The following ENO1 variants were observed in gnomAD, a reference collection of about 807,000 sequenced individuals.
ENO1 encodes enolase 1, also known as alpha-enolase.
In ENO1, 33 loss-of-function variants were observed where a neutral mutation model predicts 46.3. That is an observed-to-expected ratio of 0.71 (90% CI 0.54 to 0.95). ENO1 has a LOEUF of 0.95. ENO1 is among the 40% of genes least tolerant of loss of function. ENO1 has a pLI of 0.00. For synonymous variants in ENO1, 220 were observed against 216.0 expected (o/e 1.02, Z -0.16); for missense variants, 488 against 553.3 (o/e 0.88, Z 1.18).
intron 4 of ENO1, 25 bp from the exon 5 acceptor site, chr1:8,868,082 G>A (rs2124079447): frequency 6.4e-7 from 1 of 1,572,100 alleles, no homozygotes; most frequent in Non-Finnish European, 8.8e-7. Context: ...GGAGAATGAG[G>A]GGTTGGGGCC....
At chr1:8,876,811 G>T (rs1363605000) in intron 1 of ENO1, among the ~76,000 whole-genome samples, 2 of 149,852 alleles carry the variant, frequency 1.3e-5, no homozygotes, top group East Asian at 4.0e-4. Context: ...AAAAAAAAAA[G>T]ACAAACGTCT....
intron 2 of ENO1, among the ~76,000 whole-genome samples, 181 bp from the exon 3 acceptor site, chr1:8,872,167 T>C (rs1291454363): frequency 2.0e-5 from 3 of 152,244 alleles, no homozygotes; most frequent in African/African-American, 7.2e-5. Flanking sequence ...GATCCTGTAC[T>C]GCAGAACTTA....
chr1:8,870,111 A>G, intron 4 of ENO1: 1 of 275,216 alleles, frequency 3.6e-6, no homozygotes, highest in Non-Finnish European at 6.9e-6. Context: ...AAAGTTCATG[A>G]GAAATTAGTC....
Position 8,866,278 on chromosome 1 carries a change from CCTT to C in ENO1, c.665_667del (p.Glu222del), listed in dbSNP as rs1642512894. ...GGGGGGCGGTTCCCTAGCGCCTTTA[CCTT>C]CTTTATTCTCCAGGATGTTGGGAGC... is the stretch of plus-strand genomic sequence containing the variant. On this transcript the variant is annotated inframe_deletion and splice_region_variant, in exon 7 of 12. Coordinates refer to ENST00000234590, the MANE Select transcript of ENO1 (RefSeq NM_001428.5). 1.2e-6 allele frequency: 2 copies of C among 1,613,834 alleles called. No homozygotes were observed. The highest frequency in any genetic ancestry group is 1.3e-5 in the African/African-American group (1 of 74,898).
chr1:8,870,523 A>G lies in ENO1; in HGVS notation c.182-13T>C. The stretch of plus-strand genomic sequence containing the variant: ...GCCTTTGAGACACCTGGAAGGAACA[A>G]TCAAATCAAATTACTGACATTAACT... On this transcript the variant is annotated splice_polypyrimidine_tract_variant and intron_variant, in intron 3 of 11. Transcript: ENST00000234590. 1 of 1,614,174 alleles carries G rather than the reference A, an allele frequency of 6.2e-7. No homozygotes were observed. The highest frequency in any genetic ancestry group is 1.1e-5 in the South Asian group (1 of 91,084).
rs755875031 is a variant in ENO1, at chr1:8,866,481, G to A, written c.465C>T (p.Gly155=). Residue 155 remains glycine, a synonymous_variant, in exon 7 of 12, where the codon GGC becomes GGT. Coordinates refer to ENST00000234590, the MANE Select transcript of ENO1 (RefSeq NM_001428.5). ...LPVPAFNVIN[G]GSHAGNKLAM... is the part of the protein sequence containing the mutation. ...CCAGCTTGTTGCCAGCATGAGAACC[G>A]CCATTGATGACATTGAACGCCTGGG... 1.2e-5 allele frequency: 19 copies of A among 1,614,064 alleles called. 1 individual carries two copies. The highest frequency in any genetic ancestry group is 6.7e-5 in the East Asian group (3 of 44,896).
intron 11 of ENO1, 112 bp from the exon 12 acceptor site, chr1:8,861,541 G>A (rs1020706527): frequency 3.8e-6 from 4 of 1,066,034 alleles, no homozygotes; most frequent in Non-Finnish European, 5.5e-6. Flanking sequence ...CTCCTGGGAA[G>A]TTGAGAACAC....
At chr1:8,876,846 T>C (rs1020751438) in intron 1 of ENO1, among the ~76,000 whole-genome samples, 9 of 151,036 alleles carry the variant, frequency 6.0e-5, no homozygotes, top group Non-Finnish European at 1.2e-4. Context: ...AAAGTGTGAT[T>C]TTTTTTTTAT....
Position 8,867,057 on chromosome 1 carries a change from C to A in ENO1, c.444+60G>T, listed in dbSNP as rs1557581791. 3.8e-6 allele frequency: 6 copies of A among 1,588,280 alleles called. No homozygotes were observed. The South Asian group carries it at 4.5e-5, about 12-fold the overall frequency. On this transcript the variant is annotated intron_variant, in intron 6 of 11. Transcript: ENST00000234590. ...TATCAAGGCATAGGAGGTCTCGGGT[C>A]CCCAACAGCAAGCTGAAACCCCCAA...
rs960611633 is a variant in ENO1, at chr1:8,874,250, T to C, written c.85+574A>G. Among the ~76,000 whole-genome samples the C allele has an allele frequency of 2.0e-5, 3 of 152,034 alleles. No individual in the cohort carries two copies. The East Asian group carries it at 5.8e-4, about 29-fold the overall frequency. ...ACCTTACTTCCTTACTTCACTGACT[T>C]AGGAGCCAACTTATGTGGTTTTAAG... On this transcript the variant is annotated intron_variant, in intron 2 of 11. Transcript: ENST00000234590.
intron 7 of ENO1, chr1:8,866,024 T>C (rs1189903309): frequency 9.8e-6 from 4 of 406,906 alleles, no homozygotes; most frequent in African/African-American, 2.2e-5. Context: ...GAAGTTGTAG[T>C]GAGCCGAGAT....
chr1:8,868,637 G>C (rs899235705), intron 4 of ENO1, among the ~76,000 whole-genome samples: 1 of 152,230 alleles, frequency 6.6e-6, no homozygotes, highest in Non-Finnish European at 1.5e-5. Flanking sequence ...CTGACGTACT[G>C]AGAACTGGCT....
rs201867667 is a variant in ENO1, at chr1:8,870,483, T to C, written c.209A>G (p.Asn70Ser). The C allele has an allele frequency of 4.8e-5, 77 of 1,614,188 alleles. No individual in the cohort carries two copies. In the East Asian group the frequency reaches 5.6e-4, roughly 12 times the overall value. The change falls in exon 4 of 12, where the codon AAT (asparagine) becomes AGT (serine). Residue 70 changes from asparagine (N) to serine (S), a missense_variant. Coordinates refer to ENST00000234590, the MANE Select transcript of ENO1 (RefSeq NM_001428.5). ...AACCAGGGCAGGCGCAATAGTTTTA[T>C]TGATGTGCTCAACAGCCTTTGAGAC... ...KGVSKAVEHINKTIAPALVSK... is the reference protein window; with the variant it reads ...KGVSKAVEHISKTIAPALVSK...
chr1:8,876,855 AT>A (rs1642743906), intron 1 of ENO1, among the ~76,000 whole-genome samples: 1 of 134,080 alleles, frequency 7.5e-6, no homozygotes, highest in East Asian at 2.1e-4. Flanking sequence ...TTTTTTTTTT[AT>A]TTTTTGAGAC....
At chr1:8,873,230 T>TGG (rs542016969) in intron 2 of ENO1, among the ~76,000 whole-genome samples, 4 of 152,054 alleles carry the variant, frequency 2.6e-5, no homozygotes, top group African/African-American at 9.7e-5. Flanking sequence ...ATGCTGACAA[T>TGG]GGGGGGGCTG....
At chr1:8,866,982 C>T (rs1642531404) in intron 6 of ENO1, 135 bp downstream of exon 6, 1 of 1,349,504 alleles carries the variant, frequency 7.4e-7, no homozygotes, top group African/African-American at 1.5e-5. Flanking sequence ...TGCTCAAGGT[C>T]ACACTTAACA....
intron 4 of ENO1, among the ~76,000 whole-genome samples, chr1:8,869,991 G>C (rs1642597503): frequency 6.6e-6 from 1 of 152,202 alleles, no homozygotes; most frequent in Non-Finnish European, 1.5e-5. Flanking sequence ...TGGGTCCCCA[G>C]CCCTACTTCA....
intron 1 of ENO1, chr1:8,876,276 C>G (rs1288843092): frequency 1.3e-5 from 2 of 152,194 alleles, no homozygotes; most frequent in African/African-American, 4.8e-5. Flanking sequence ...AAATTATTTA[C>G]TGAAGTCACT....
At chr1:8,867,937 CAGG>C (rs750129720) in intron 5 of ENO1, 48 bp downstream of exon 5, 20 of 1,532,648 alleles carry the variant, frequency 1.3e-5, no homozygotes, top group Admixed American at 1.7e-5. Flanking sequence ...TTAAAATCTT[CAGG>C]AGACTTCATG....
Sources: gnomAD v4.1 joint callset for allele counts (sites outside exome capture counted in the v4.1 genomes callset) on GRCh38, gnomAD v4.1.1 for gene constraint, MANE v1.5 for transcripts, NCBI Gene and HGNC (gene_info 2026-07-23, HGNC 2026-07-21) for gene names.